The following SOX6 variants were observed in gnomAD, a reference collection of about 807,000 sequenced individuals.
SOX6 encodes the protein SRY-box transcription factor 6, also known as transcription factor SOX-6.
In SOX6, 11 loss-of-function variants were observed where a neutral mutation model predicts 97.8. The observed-to-expected ratio is 0.11, with a 90% CI of 0.07 to 0.19. The LOEUF (loss-of-function observed/expected upper bound fraction) is 0.19. Ranked by LOEUF, SOX6 falls within the 10% of genes least tolerant of loss-of-function variation. SOX6 has a pLI of 1.00. For missense variants in SOX6, 810 were observed against 1,039.5 expected (o/e 0.78, Z 3.04); for synonymous variants, 360 against 371.4 (o/e 0.97, Z 0.35).
intron 4 of SOX6, among the ~76,000 whole-genome samples, chr11:16,205,475 T>C (rs1174103038): frequency 6.6e-6 from 1 of 152,026 alleles, no homozygotes; most frequent in African/African-American, 2.4e-5. Context: ...TTATGTAAAA[T>C]ATGGTAGTCT....
chr11:16,715,269 T>A (rs1382152347), intron 2 of SOX6, among the ~76,000 whole-genome samples: 1 of 152,218 alleles, frequency 6.6e-6, no homozygotes, highest in East Asian at 1.9e-4. Flanking sequence ...AATTACATAT[T>A]GAAATAATAC....
intron 1 of SOX6, among the ~76,000 whole-genome samples, chr11:16,472,788 C>G (rs1343961837): frequency 6.6e-6 from 1 of 151,992 alleles, no homozygotes; most frequent in Non-Finnish European, 1.5e-5. Context: ...ATCACTTAAA[C>G]TCTAATTTAT....
At chr11:16,398,270 C>A (rs183844594) in intron 1 of SOX6, among the ~76,000 whole-genome samples, 1 of 151,480 alleles carries the variant, frequency 6.6e-6, no homozygotes. Flanking sequence ...TACCTTATTG[C>A]GAGTTTGACC....
At chr11:15,976,477 C>T (rs1853490180) in intron 15 of SOX6, among the ~76,000 whole-genome samples, 1 of 152,184 alleles carries the variant, frequency 6.6e-6, no homozygotes, top group Admixed American at 6.5e-5. Flanking sequence ...CTTTCCTTTC[C>T]TCCTTTGGGA....
At chr11:16,404,204 T>TA (rs1565133692) in intron 1 of SOX6, among the ~76,000 whole-genome samples, 2 of 151,866 alleles carry the variant, frequency 1.3e-5, no homozygotes, top group African/African-American at 4.8e-5. Context: ...CTGCATTATA[T>TA]AAAAATGTAT....
chr11:16,583,614 C>CATAT (rs534690651), intron 4 of SOX6, among the ~76,000 whole-genome samples: 19,664 of 104,476 alleles, frequency 0.19, 3,249 homozygotes, highest in Admixed American at 0.33. Context: ...TATATATATA[C>CATAT]ATATATATAT....
chr11:16,395,539 G>A (rs1858329378), intron 1 of SOX6, among the ~76,000 whole-genome samples: 1 of 151,774 alleles, frequency 6.6e-6, no homozygotes, highest in African/African-American at 2.4e-5. Context: ...ACAGCAGCTG[G>A]ATCAGAAAGA....
intron 6 of SOX6, among the ~76,000 whole-genome samples, chr11:16,176,506 T>A (rs1233827185): frequency 6.6e-6 from 1 of 151,872 alleles, no homozygotes; most frequent in African/African-American, 2.4e-5. Context: ...GGAAGTAGTA[T>A]AATTAACTGT....
intron 3 of SOX6, among the ~76,000 whole-genome samples, chr11:16,641,274 C>G (rs1393015465): frequency 6.6e-6 from 1 of 152,164 alleles, no homozygotes. Context: ...GTCTGAGAGA[C>G]AGTTTGTTTT....
chr11:16,685,929 A>G (rs1410275168), intron 3 of SOX6, among the ~76,000 whole-genome samples: 1 of 152,232 alleles, frequency 6.6e-6, no homozygotes, highest in Non-Finnish European at 1.5e-5. Context: ...GCTTAACACC[A>G]TGTGAAAACC....
chr11:16,000,006 C>A (rs1339121582), intron 13 of SOX6, among the ~76,000 whole-genome samples: 1 of 152,110 alleles, frequency 6.6e-6, no homozygotes, highest in Admixed American at 6.5e-5. Flanking sequence ...TGATTTTTCA[C>A]CATATTTATC....
chr11:16,402,621 C>T (rs769951179), intron 1 of SOX6: 4 of 1,561,948 alleles, frequency 2.6e-6, no homozygotes, highest in South Asian at 1.1e-5. Flanking sequence ...ACTGAAGTTA[C>T]CCTTTCATTT....
At chr11:16,332,637 C>T (rs1856340772) in intron 2 of SOX6, among the ~76,000 whole-genome samples, 1 of 152,040 alleles carries the variant, frequency 6.6e-6, no homozygotes, top group African/African-American at 2.4e-5. Context: ...TTTCTAATTT[C>T]AACCTGATTG....
chr11:16,442,089 T>G (rs1859513993), intron 1 of SOX6, among the ~76,000 whole-genome samples: 1 of 152,196 alleles, frequency 6.6e-6, no homozygotes, highest in South Asian at 2.1e-4. Flanking sequence ...CATTAATTAA[T>G]TTAACAGGAC....
chr11:16,132,427 AAGAAAGAAAGAAAGAAAAAAGAAAG>A (rs1849818488), intron 6 of SOX6, among the ~76,000 whole-genome samples: 1 of 113,532 alleles, frequency 8.8e-6, no homozygotes, highest in Admixed American at 1.0e-4. Context: ...GAAAGAAAGA[AAGAAAGAAAGAAAGAAAAAAGAAAG>A]AAAGAAAGAA....
intron 4 of SOX6, among the ~76,000 whole-genome samples, chr11:16,543,201 A>G (rs1806469503): frequency 6.6e-6 from 1 of 152,196 alleles, no homozygotes; most frequent in Admixed American, 6.5e-5. Flanking sequence ...TGCCAACCTT[A>G]GAAGTGAATT....
chr11:16,520,543 T>C (rs931274027), intron 4 of SOX6, among the ~76,000 whole-genome samples: 1 of 152,162 alleles, frequency 6.6e-6, no homozygotes, highest in Non-Finnish European at 1.5e-5. Context: ...GCTCCCAGCA[T>C]TAGCGACGTA....
At chr11:16,290,103 G>C (rs1211373603) in intron 3 of SOX6, among the ~76,000 whole-genome samples, 1 of 151,950 alleles carries the variant, frequency 6.6e-6, no homozygotes, top group Non-Finnish European at 1.5e-5. Context: ...TCAGAATGGA[G>C]TTAAGTCAAC....
chr11:15,979,786 T>C (rs778599104), intron 15 of SOX6, among the ~76,000 whole-genome samples: 2 of 152,068 alleles, frequency 1.3e-5, no homozygotes, highest in Non-Finnish European at 2.9e-5. Flanking sequence ...AATGTTGCTT[T>C]CTCAGTGAGG....
Sources: allele counts gnomAD v4.1 joint callset (sites outside exome capture counted in the v4.1 genomes callset), GRCh38; gene constraint gnomAD v4.1.1; transcripts MANE v1.5; gene names NCBI Gene and HGNC (gene_info 2026-07-23, HGNC 2026-07-21).